The following STXBP5L variants were observed in gnomAD, a reference collection of about 807,000 sequenced individuals.
STXBP5L encodes the protein syntaxin binding protein 5L.
Under a neutral mutation model 144.5 loss-of-function variants are expected in STXBP5L, and 65 were observed. The ratio of observed to expected loss-of-function variants is 0.45; its 90% CI spans 0.37 to 0.55. STXBP5L has a LOEUF of 0.55. Ranked by LOEUF, STXBP5L falls within the 20% of genes least tolerant of loss-of-function variation. The pLI is 0.00. For synonymous variants in STXBP5L, 505 were observed against 469.6 expected (o/e 1.08, Z -0.97); for missense variants, 1,298 against 1,405.5 (o/e 0.92, Z 1.22).
rs898729700 is a variant in STXBP5L at position 121,004,266 on chromosome 3, A to G, written c.288-37434A>G. On this transcript the variant is annotated intron_variant, in intron 3 of 26. Transcript: ENST00000471454. ...AGCTCTCCTTGAAGAGGTCCTTCAC[A>G]TCCCTTGTAAGTTGGATTCCTAGGT... is the stretch of plus-strand genomic sequence containing the variant. Among the ~76,000 whole-genome samples, 29 of 151,612 alleles carry G rather than the reference A, an allele frequency of 1.9e-4. No individual in the cohort carries two copies. The South Asian group carries it at 3.8e-3, about 20-fold the overall frequency.
intron 3 of STXBP5L, among the ~76,000 whole-genome samples, chr3:120,970,465 A>AT (rs1158075659): frequency 3.9e-5 from 6 of 151,994 alleles, no homozygotes; most frequent in Non-Finnish European, 8.8e-5. Context: ...TTGGATGGCA[A>AT]TTTTTCCCAT....
At chr3:120,993,548 C>G (rs1943094309) in intron 3 of STXBP5L, among the ~76,000 whole-genome samples, 1 of 151,986 alleles carries the variant, frequency 6.6e-6, no homozygotes, top group Non-Finnish European at 1.5e-5. Context: ...TTTCCCAACC[C>G]TGTTTATTGA....
intron 11 of STXBP5L, among the ~76,000 whole-genome samples, chr3:121,228,241 A>G (rs1211091884): frequency 6.6e-6 from 1 of 152,202 alleles, no homozygotes; most frequent in Non-Finnish European, 1.5e-5. Context: ...CAAGGACAGC[A>G]TGAAGTACAG....
At chr3:121,327,362 A>G (rs547848794) in intron 20 of STXBP5L, among the ~76,000 whole-genome samples, 83 of 152,314 alleles carry the variant, frequency 5.4e-4, no homozygotes, top group Middle Eastern at 3.4e-3. Flanking sequence ...TTGAACATAA[A>G]TTTGGAAAGA....
intron 20 of STXBP5L, chr3:121,357,324 G>A (rs1057170088): frequency 1.2e-5 from 2 of 167,422 alleles, no homozygotes; most frequent in African/African-American, 4.8e-5. Flanking sequence ...TTTTATGTGT[G>A]TGTGAAAATG....
chr3:121,166,654 C>A (rs575431500), intron 9 of STXBP5L, among the ~76,000 whole-genome samples: 1 of 152,062 alleles, frequency 6.6e-6, no homozygotes, highest in Non-Finnish European at 1.5e-5. Flanking sequence ...ACTGTTTCTG[C>A]TGATTTTTAT....
intron 3 of STXBP5L, among the ~76,000 whole-genome samples, chr3:120,960,683 TCTCA>T (rs766089907): frequency 6.6e-6 from 1 of 151,806 alleles, no homozygotes; most frequent in Non-Finnish European, 1.5e-5. Context: ...TACCGCGTGT[TCTCA>T]CTCATAGGTG....
At chr3:120,984,813 C>T (rs1214323129) in intron 3 of STXBP5L, among the ~76,000 whole-genome samples, 2 of 151,462 alleles carry the variant, frequency 1.3e-5, no homozygotes, top group African/African-American at 4.8e-5. Flanking sequence ...TCACATATAG[C>T]CTTTATCGTG....
At chr3:120,950,710 G>T (rs574122536) in intron 2 of STXBP5L, among the ~76,000 whole-genome samples, 2 of 152,162 alleles carry the variant, frequency 1.3e-5, no homozygotes, top group Non-Finnish European at 2.9e-5. Context: ...AATCAATATC[G>T]TGAAAATGGC....
chr3:120,985,783 G>C (rs1942232951), intron 3 of STXBP5L, among the ~76,000 whole-genome samples: 1 of 151,518 alleles, frequency 6.6e-6, no homozygotes, highest in South Asian at 2.1e-4. Context: ...TTTCATTTCT[G>C]ACTTTAGTAA....
intron 20 of STXBP5L, among the ~76,000 whole-genome samples, chr3:121,346,916 G>C (rs1403393251): frequency 2.6e-5 from 4 of 152,154 alleles, no homozygotes; most frequent in African/African-American, 7.2e-5. Context: ...TGTTCACTCT[G>C]ATGGCGGTTT....
chr3:121,230,103 CTTTA>C (rs983078530), intron 11 of STXBP5L, among the ~76,000 whole-genome samples: 3 of 152,108 alleles, frequency 2.0e-5, no homozygotes, highest in African/African-American at 7.2e-5. Context: ...TCCCATTTAC[CTTTA>C]TTTATTTATT....
chr3:121,349,416 G>GAA (rs537536115), intron 20 of STXBP5L, among the ~76,000 whole-genome samples: 2 of 151,514 alleles, frequency 1.3e-5, no homozygotes, highest in African/African-American at 4.9e-5. Flanking sequence ...GTGTGGTGCT[G>GAA]AGAAGAATGT....
At chr3:121,348,793 C>T (rs556179882) in intron 20 of STXBP5L, among the ~76,000 whole-genome samples, 19 of 152,144 alleles carry the variant, frequency 1.2e-4, no homozygotes, top group Middle Eastern at 3.4e-3. Context: ...TCTGTGGGAT[C>T]GGCGGTGATA....
chr3:121,199,341 G>C (rs1449216636), intron 9 of STXBP5L, among the ~76,000 whole-genome samples: 2 of 152,152 alleles, frequency 1.3e-5, no homozygotes, highest in African/African-American at 4.8e-5. Flanking sequence ...TGTATCTTGA[G>C]ACTCTGCTGA....
intron 5 of STXBP5L, among the ~76,000 whole-genome samples, chr3:121,111,878 G>C (rs990862651): frequency 6.6e-6 from 1 of 151,940 alleles, no homozygotes; most frequent in African/African-American, 2.4e-5. Flanking sequence ...TCCTGCAAGG[G>C]GCTCTATCCC....
chr3:121,283,666 G>A (rs338984), intron 19 of STXBP5L, among the ~76,000 whole-genome samples: 74,211 of 151,712 alleles, frequency 0.49, 18,604 homozygotes, highest in East Asian at 0.73. Context: ...AGCTGCAACA[G>A]AAACTATATG....
At chr3:121,172,804 A>G (rs1277638449) in intron 9 of STXBP5L, among the ~76,000 whole-genome samples, 3 of 152,368 alleles carry the variant, frequency 2.0e-5, no homozygotes, top group East Asian at 1.9e-4. Flanking sequence ...TAGAAATACC[A>G]TTTAACTCAG....
At chr3:121,367,610 T>G (rs1304626564) in intron 20 of STXBP5L, among the ~76,000 whole-genome samples, 17 of 141,734 alleles carry the variant, frequency 1.2e-4, no homozygotes, top group Admixed American at 1.4e-4. Context: ...TTTTTTTTTT[T>G]TTTTTTTTTT....
Sources: allele counts gnomAD v4.1 joint callset (sites outside exome capture counted in the v4.1 genomes callset), GRCh38; gene constraint gnomAD v4.1.1; transcripts MANE v1.5; gene names NCBI Gene and HGNC (gene_info 2026-07-23, HGNC 2026-07-21).